NKAIN2: variants seen among roughly 807,000 people sequenced by gnomAD.
The protein encoded by NKAIN2 is sodium/potassium transporting ATPase interacting 2, also known as sodium/potassium-transporting ATPase subunit beta-1-interacting protein 2.
A neutral mutation model predicts 32.6 loss-of-function variants in NKAIN2; 14 were observed. That is an observed-to-expected ratio of 0.43 (90% CI 0.28 to 0.67). The LOEUF is 0.67. NKAIN2 is among the 30% of genes least tolerant of loss of function. The pLI is 0.17. For missense variants in NKAIN2, 198 were observed against 258.3 expected (o/e 0.77, Z 1.60); for synonymous variants, 80 against 87.2 (o/e 0.92, Z 0.46).
chr6:124,338,657 CT>C (rs767748348), intron 2 of NKAIN2, among the ~76,000 whole-genome samples: 49 of 152,116 alleles, frequency 3.2e-4, no homozygotes, highest in Admixed American at 2.1e-3. Context: ...CAAAAAAAGT[CT>C]TATATTGTTA....
At chr6:124,337,116 C>A (rs1797909782) in intron 2 of NKAIN2, among the ~76,000 whole-genome samples, 1 of 152,140 alleles carries the variant, frequency 6.6e-6, no homozygotes, top group Admixed American at 6.5e-5. Context: ...AGCTGCAAAG[C>A]TTTAATTCAT....
intron 1 of NKAIN2, among the ~76,000 whole-genome samples, chr6:124,012,567 C>T (rs1780386545): frequency 6.6e-6 from 1 of 152,090 alleles, no homozygotes; most frequent in African/African-American, 2.4e-5. Context: ...AACTCCTGAC[C>T]TTGTGATCCG....
At chr6:124,457,612 A>G (rs1161647468) in intron 3 of NKAIN2, among the ~76,000 whole-genome samples, 1 of 151,976 alleles carries the variant, frequency 6.6e-6, no homozygotes, top group African/African-American at 2.4e-5. Context: ...TGGGAACCGC[A>G]TATGTTCTGA....
chr6:124,719,310 C>CT (rs975440323), intron 4 of NKAIN2, among the ~76,000 whole-genome samples: 12 of 151,300 alleles, frequency 7.9e-5, no homozygotes, highest in East Asian at 5.8e-4. Flanking sequence ...TGTTTCTTTT[C>CT]TTTTTTTTTC....
chr6:124,353,915 TGAA>T (rs1798849562), intron 2 of NKAIN2, among the ~76,000 whole-genome samples: 1 of 152,168 alleles, frequency 6.6e-6, no homozygotes, highest in Non-Finnish European at 1.5e-5. Flanking sequence ...TGGAGGTTCT[TGAA>T]GCATAAATTA....
intron 3 of NKAIN2, among the ~76,000 whole-genome samples, chr6:124,547,724 A>G (rs1780145934): frequency 6.6e-6 from 1 of 152,156 alleles, no homozygotes. Context: ...ATTTTTCTTT[A>G]AGAATTAAAT....
intron 1 of NKAIN2, among the ~76,000 whole-genome samples, chr6:123,849,992 G>A (rs1174152781): frequency 3.1e-5 from 4 of 129,696 alleles, no homozygotes; most frequent in African/African-American, 1.2e-4. Context: ...ACTTTCTGTG[G>A]AGATGAGGTC....
chr6:124,582,163 A>G (rs1227222452), intron 3 of NKAIN2, among the ~76,000 whole-genome samples: 1 of 152,112 alleles, frequency 6.6e-6, no homozygotes, highest in East Asian at 1.9e-4. Flanking sequence ...AATAAATAAA[A>G]CCAGAGATAA....
At chr6:124,342,835 A>ATTATTATTATTATTATTATTATTG (rs1429792655) in intron 2 of NKAIN2, among the ~76,000 whole-genome samples, 79 of 149,924 alleles carry the variant, frequency 5.3e-4, no homozygotes, top group African/African-American at 1.6e-3. Flanking sequence ...TATTATTATT[A>ATTATTATTATTATTATTATTATTG]TTATTATTAT....
intron 1 of NKAIN2, among the ~76,000 whole-genome samples, chr6:124,097,636 A>G (rs1354123475): frequency 6.6e-6 from 1 of 152,214 alleles, no homozygotes; most frequent in Non-Finnish European, 1.5e-5. Flanking sequence ...AGAATTGTGG[A>G]AAGTCGTGCT....
At chr6:124,247,410 ATTTTAT>A (rs994605216) in intron 1 of NKAIN2, among the ~76,000 whole-genome samples, 19 of 152,238 alleles carry the variant, frequency 1.2e-4, no homozygotes, top group Middle Eastern at 3.4e-3. Flanking sequence ...TGAAAAAGCT[ATTTTAT>A]TTCTTTTCCG....
At chr6:124,689,725 C>T (rs760000771) in intron 4 of NKAIN2, among the ~76,000 whole-genome samples, 9 of 151,982 alleles carry the variant, frequency 5.9e-5, no homozygotes, top group Non-Finnish European at 1.3e-4. Flanking sequence ...ACTATTCTTC[C>T]CCTATTGCTT....
chr6:124,364,449 C>A (rs1480237474), intron 3 of NKAIN2, among the ~76,000 whole-genome samples: 1 of 151,728 alleles, frequency 6.6e-6, no homozygotes, highest in Middle Eastern at 3.2e-3. Context: ...ATCGAGAAAA[C>A]CAGATTTAGG....
chr6:124,138,276 A>G lies in NKAIN2; in HGVS notation c.55-144729A>G, dbSNP rs1456024974. On this transcript the variant is annotated intron_variant, in intron 1 of 6. Transcript: ENST00000368417. Reference sequence around the variant, plus strand: ...TATCAGGGAAATGAAAATTAGAACTACAATGAGAAACCACCTTACTCCTTC... The same window carrying G: ...TATCAGGGAAATGAAAATTAGAACTGCAATGAGAAACCACCTTACTCCTTC... Among the ~76,000 whole-genome samples the G allele has an allele frequency of 2.0e-5, 3 of 152,208 alleles. No homozygotes were observed. The South Asian group carries it at 6.2e-4, about 32-fold the overall frequency.
At chr6:123,932,406 C>CTTTTTTTTTTT (rs57063550) in intron 1 of NKAIN2, among the ~76,000 whole-genome samples, 72 of 104,408 alleles carry the variant, frequency 6.9e-4, no homozygotes, top group African/African-American at 1.9e-3. Flanking sequence ...TTCTGTCTTT[C>CTTTTTTTTTTT]TTTTTTTTTT....
At chr6:124,339,212 G>A (rs1287466090) in intron 2 of NKAIN2, among the ~76,000 whole-genome samples, 6 of 152,142 alleles carry the variant, frequency 3.9e-5, no homozygotes, top group Non-Finnish European at 7.4e-5. Context: ...GTGGTGGCGC[G>A]CACCTGTAGT....
chr6:124,360,210 CAG>C (rs761714717), intron 3 of NKAIN2, among the ~76,000 whole-genome samples: 1 of 152,130 alleles, frequency 6.6e-6, no homozygotes. Flanking sequence ...CGATGTTCAT[CAG>C]GGATATTGGT....
intron 3 of NKAIN2, among the ~76,000 whole-genome samples, chr6:124,426,975 C>A (rs1775009665): frequency 6.6e-6 from 1 of 152,158 alleles, no homozygotes; most frequent in Admixed American, 6.6e-5. Flanking sequence ...TCCATTAAAC[C>A]TCTTTCTTGT....
intron 3 of NKAIN2, among the ~76,000 whole-genome samples, chr6:124,411,704 A>G (rs62436309): frequency 0.077 from 11,757 of 151,990 alleles, 583 homozygotes; most frequent in African/African-American, 0.12. Flanking sequence ...CGTTCTCTGT[A>G]TTTCCTGAAT....
Sources: gnomAD v4.1 joint callset for allele counts (sites outside exome capture counted in the v4.1 genomes callset) on GRCh38, gnomAD v4.1.1 for gene constraint, MANE v1.5 for transcripts, NCBI Gene and HGNC (gene_info 2026-07-23, HGNC 2026-07-21) for gene names.